RASGRF2: variants seen among roughly 807,000 people sequenced by gnomAD.
RASGRF2 encodes Ras protein specific guanine nucleotide releasing factor 2.
Under a neutral mutation model 151.0 loss-of-function variants are expected in RASGRF2, and 76 were observed. The ratio of observed to expected loss-of-function variants is 0.50; its 90% confidence interval spans 0.42 to 0.61. The LOEUF (loss-of-function observed/expected upper bound fraction) is 0.61, where lower values mean the gene tolerates loss of function less well. Among genes scored for constraint, RASGRF2 ranks in the 20% least tolerant of loss-of-function variants. The pLI is 0.00. For missense variants in RASGRF2, 1,148 were observed against 1,564.6 expected, an observed-to-expected ratio of 0.73 and a Z score of 4.49; for synonymous variants, 504 against 566.5, an observed-to-expected ratio of 0.89 and a Z score of 1.57.
intron 1 of RASGRF2, among the ~76,000 whole-genome samples, chr5:80,982,720 T>C (rs960310372): frequency 5.3e-5 from 8 of 151,530 alleles, no homozygotes; most frequent in African/African-American, 9.7e-5. Flanking sequence ...CCTGCCTCAG[T>C]CTCCCGAGTA....
intron 7 of RASGRF2, among the ~76,000 whole-genome samples, chr5:81,082,651 T>C (rs1218397044): frequency 6.6e-6 from 1 of 152,156 alleles, no homozygotes; most frequent in South Asian, 2.1e-4. Flanking sequence ...TATGTGGTGT[T>C]TCAAGGAGCT....
At chr5:81,163,695 T>C (rs1309814667) in intron 17 of RASGRF2, among the ~76,000 whole-genome samples, 1 of 152,198 alleles carries the variant, frequency 6.6e-6, no homozygotes, top group Non-Finnish European at 1.5e-5. Flanking sequence ...TGGTCCTTTA[T>C]TTTTCTGACC....
chr5:81,175,563 G>A (rs1331998577), intron 17 of RASGRF2, among the ~76,000 whole-genome samples: 1 of 152,026 alleles, frequency 6.6e-6, no homozygotes, highest in Non-Finnish European at 1.5e-5. Flanking sequence ...AGACCAGCCT[G>A]ACCAACATGG....
At chr5:81,080,928 C>T (rs1752068737) in intron 7 of RASGRF2, 139 bp downstream of exon 7, 1 of 731,576 alleles carries the variant, frequency 1.4e-6, no homozygotes, top group African/African-American at 1.8e-5. Context: ...CTGTCTTGAG[C>T]TTGACCCTGA....
rs111730539 is a variant in RASGRF2, at chr5:81,109,439, T to C, written c.1838+361T>C. Among the ~76,000 whole-genome samples the C allele has an allele frequency of 3.2e-3, 485 of 152,322 alleles. 1 individual carries two copies. Among genetic ancestry groups the C allele is most frequent in the African/African-American group, 0.011 (463 of 41,576 alleles). ...CGGAGGCCGAGGCGGGTGGATTACCTGAGTTCAGGAGTTTGCGAACAGCCT... is the reference window on the plus strand; with the variant it reads ...CGGAGGCCGAGGCGGGTGGATTACCCGAGTTCAGGAGTTTGCGAACAGCCT... On this transcript the variant is annotated intron_variant, in intron 13 of 26. Transcript: ENST00000265080.
chr5:81,011,864 T>C (rs1450717310), intron 1 of RASGRF2, among the ~76,000 whole-genome samples: 1 of 152,228 alleles, frequency 6.6e-6, no homozygotes, highest in East Asian at 1.9e-4. Context: ...TTTGCAAACA[T>C]ACACATTATA....
At chr5:81,134,126 G>A (rs1449525793) in intron 17 of RASGRF2, among the ~76,000 whole-genome samples, 3 of 130,220 alleles carry the variant, frequency 2.3e-5, no homozygotes, top group Non-Finnish European at 5.1e-5. Flanking sequence ...ATATTTTACT[G>A]AGGTAATGTC....
chr5:81,137,070 G>A (rs901691130), intron 17 of RASGRF2, among the ~76,000 whole-genome samples: 3 of 151,896 alleles, frequency 2.0e-5, no homozygotes, highest in Non-Finnish European at 4.4e-5. Flanking sequence ...ACTTACAATG[G>A]CTCAACTTAC....
intron 1 of RASGRF2, among the ~76,000 whole-genome samples, chr5:80,971,076 A>G (rs1747915406): frequency 6.6e-6 from 1 of 152,218 alleles, no homozygotes; most frequent in Admixed American, 6.5e-5. Context: ...TTAAAAATAA[A>G]CCTATTTTTC....
At chr5:81,031,808 A>C (rs1365021999) in intron 1 of RASGRF2, among the ~76,000 whole-genome samples, 1 of 152,220 alleles carries the variant, frequency 6.6e-6, no homozygotes, top group Admixed American at 6.5e-5. Flanking sequence ...TCAGAGCAGA[A>C]CTGAAGGAGA....
intron 1 of RASGRF2, among the ~76,000 whole-genome samples, chr5:81,035,131 T>TA (rs1224920437): frequency 6.6e-6 from 1 of 152,108 alleles, no homozygotes; most frequent in Non-Finnish European, 1.5e-5. Context: ...CAAAGGATTA[T>TA]AAATCATGCT....
At chr5:81,212,199 T>C (rs992021114) in intron 22 of RASGRF2, among the ~76,000 whole-genome samples, 167 bp from the exon 23 acceptor site, 2 of 152,242 alleles carry the variant, frequency 1.3e-5, no homozygotes, top group Admixed American at 1.3e-4. Context: ...AGTTTATTCT[T>C]ATAGACTTTA....
rs771573568 is a variant in RASGRF2 at position 81,028,739 on chromosome 5, C to T, written c.289-14138C>T. Among the ~76,000 whole-genome samples the T allele has an allele frequency of 5.8e-4, 89 of 152,292 alleles. 2 individuals are homozygous for T. Among genetic ancestry groups the T allele is most frequent in the Middle Eastern group, 3.4e-3 (1 of 294 alleles). On this transcript the variant is annotated intron_variant, in intron 1 of 26. Coordinates refer to ENST00000265080, the MANE Select transcript of RASGRF2 (RefSeq NM_006909.3). ...AGTCTACAGCTCCCAGGGTGAGCGACGCAGAAGACAGGTGATTTCTGCATT... is the reference window on the plus strand; with the variant it reads ...AGTCTACAGCTCCCAGGGTGAGCGATGCAGAAGACAGGTGATTTCTGCATT...
intron 1 of RASGRF2, among the ~76,000 whole-genome samples, chr5:80,973,829 A>G (rs1201201370): frequency 1.3e-5 from 2 of 152,158 alleles, no homozygotes; most frequent in Non-Finnish European, 2.9e-5. Context: ...GATGAGGGAG[A>G]GAGGGAGCTG....
intron 17 of RASGRF2, among the ~76,000 whole-genome samples, chr5:81,150,047 G>A (rs1294514161): frequency 6.6e-6 from 1 of 152,198 alleles, no homozygotes; most frequent in Non-Finnish European, 1.5e-5. Context: ...AAGGGGCTGT[G>A]TGCCTGTTCC....
At chr5:81,164,748 A>G (rs1440643454) in intron 17 of RASGRF2, among the ~76,000 whole-genome samples, 5 of 152,210 alleles carry the variant, frequency 3.3e-5, no homozygotes, top group African/African-American at 1.2e-4. Context: ...CATACCAATT[A>G]GTAAGTATTG....
At chr5:81,186,567 C>A (rs1201882160) in intron 18 of RASGRF2, among the ~76,000 whole-genome samples, 3 of 151,850 alleles carry the variant, frequency 2.0e-5, no homozygotes, top group Non-Finnish European at 4.4e-5. Context: ...CACAGACACA[C>A]ACACGCGCAC....
chr5:81,057,608 G>C (rs1189804922), intron 2 of RASGRF2, among the ~76,000 whole-genome samples: 1 of 152,006 alleles, frequency 6.6e-6, no homozygotes, highest in Admixed American at 6.6e-5. Flanking sequence ...TGATGCTTCG[G>C]TACACACATG....
chr5:81,212,046 G>A (rs1051342978), intron 22 of RASGRF2, among the ~76,000 whole-genome samples: 8 of 152,266 alleles, frequency 5.3e-5, no homozygotes, highest in South Asian at 2.1e-4. Context: ...TTCCGCAGGC[G>A]TTAGGTTATT....
Sources: gnomAD v4.1 joint callset for allele counts (sites outside exome capture counted in the v4.1 genomes callset) on GRCh38, gnomAD v4.1.1 for gene constraint, MANE v1.5 for transcripts, NCBI Gene and HGNC (gene_info 2026-07-23, HGNC 2026-07-21) for gene names.